The following MOB1B variants were observed in gnomAD, a reference collection of about 807,000 sequenced individuals.
The protein encoded by MOB1B is MOB1 Mps One Binder homolog B.
MOB1B carries 19 observed loss-of-function variants against 24.4 expected under a neutral mutation model. The ratio of observed to expected loss-of-function variants is 0.78; its 90% CI spans 0.54 to 1.14. The LOEUF (loss-of-function observed/expected upper bound fraction) is 1.14, where lower values mean the gene tolerates loss of function less well. Ranked by LOEUF, MOB1B falls within the 50% of genes most tolerant of loss-of-function variation. MOB1B has a pLI of 0.00. For synonymous variants in MOB1B, 76 were observed against 82.1 expected (o/e 0.93, Z 0.40); for missense variants, 243 against 259.6 (o/e 0.94, Z 0.44).
At chr4:70,944,287 G>A (rs984637158) in intron 1 of MOB1B, among the ~76,000 whole-genome samples, 2 of 152,164 alleles carry the variant, frequency 1.3e-5, no homozygotes, top group African/African-American at 4.8e-5. Context: ...CTCGCGCCTT[G>A]GCCTCCCAAA....
intron 1 of MOB1B, among the ~76,000 whole-genome samples, chr4:70,943,974 A>G (rs531257220): frequency 1.3e-5 from 2 of 152,366 alleles, no homozygotes; most frequent in South Asian, 2.1e-4. Flanking sequence ...ACAGATCACA[A>G]TTTTAATAAC....
chr4:70,941,237 C>T (rs1307820471), intron 1 of MOB1B, among the ~76,000 whole-genome samples: 1 of 151,160 alleles, frequency 6.6e-6, no homozygotes, highest in Non-Finnish European at 1.5e-5. Context: ...ATTTGAATTT[C>T]CAGGTGCCCC....
chr4:70,948,297 C>G lies in MOB1B; in HGVS notation c.15-10577C>G, dbSNP rs953492025. On this transcript the variant is annotated intron_variant, in intron 1 of 5. Coordinates refer to ENST00000309395, the MANE Select transcript of MOB1B (RefSeq NM_173468.4). ...AATGACAATTATATTTTTCTTTGTG[C>G]CTTAAAAAATGCTTAATTGAGACGT... is the stretch of plus-strand genomic sequence containing the variant. 2.0e-5 allele frequency among the ~76,000 whole-genome samples: 3 copies of G among 152,228 alleles called. No individual in the cohort carries two copies. In the South Asian group the frequency reaches 6.2e-4, roughly 32 times the overall value.
rs568938890 is a variant in MOB1B at position 70,920,370 on chromosome 4, G to C, written c.14+17820G>C. Among the ~76,000 whole-genome samples the C allele has an allele frequency of 9.2e-5, 14 of 152,116 alleles. No individual in the cohort carries two copies. The South Asian group carries it at 2.9e-3, about 32-fold the overall frequency. On this transcript the variant is annotated intron_variant, in intron 1 of 5. Transcript: ENST00000309395. ...CTCCCAAGTAACTGGGATTACAGGC[G>C]TGCCCCGCCATGCCTGGCTAATTTT...
At position 70,987,343 on chromosome 4, in the gene MOB1B, A is replaced by C. The variant is rs1045242909; in HGVS notation, c.*5286A>C. 6.6e-6 allele frequency: 1 copy of C among 152,012 alleles called. No homozygotes were observed. The highest frequency in any genetic ancestry group is 2.4e-5 in the African/African-American group (1 of 41,446). The allele number at this position is 152,012 out of a possible 1,614,324, so 9.4% of individuals were successfully genotyped here. A position where few individuals can be genotyped will look rare whatever the true frequency, so the allele number is the denominator to read the frequency against. ...TCATGTTCTCATCTGATTTAATATTAAATTTGTATAGGTGGGCGTTTCTTA... is the reference window on the plus strand; with the variant it reads ...TCATGTTCTCATCTGATTTAATATTCAATTTGTATAGGTGGGCGTTTCTTA... On this transcript the variant is annotated 3_prime_UTR_variant, in exon 6 of 6. Transcript: ENST00000309395.
intron 1 of MOB1B, among the ~76,000 whole-genome samples, chr4:70,906,323 G>A (rs1578338362): frequency 6.6e-6 from 1 of 152,156 alleles, no homozygotes; most frequent in East Asian, 1.9e-4. Context: ...GTTGCAGTGG[G>A]CCAAGATTGT....
intron 1 of MOB1B, among the ~76,000 whole-genome samples, chr4:70,933,157 G>C (rs1736947062): frequency 6.6e-6 from 1 of 152,072 alleles, no homozygotes; most frequent in African/African-American, 2.4e-5. Context: ...GAGAGAGAGA[G>C]AACAAAGGGG....
rs1002716776 is a variant in MOB1B, at chr4:70,984,684, C to T, written c.*2627C>T. ...TGCTTTTTTTGGTTAAATGTTGATA[C>T]GAAGCAATGTTTTGGAATTACTTTA... is the stretch of plus-strand genomic sequence containing the variant. On this transcript the variant is annotated 3_prime_UTR_variant, in exon 6 of 6. Transcript: ENST00000309395. The T allele has an allele frequency of 1.5e-4, 23 of 151,872 alleles. No individual in the cohort carries two copies. The highest frequency in any genetic ancestry group is 1.4e-3 in the Admixed American group (22 of 15,250). The allele number at this position is 151,872 out of a possible 1,614,324, so 9.4% of individuals were successfully genotyped here.
intron 1 of MOB1B, among the ~76,000 whole-genome samples, chr4:70,946,360 C>A (rs1037188201): frequency 9.2e-5 from 14 of 152,072 alleles, no homozygotes; most frequent in Non-Finnish European, 1.3e-4. Flanking sequence ...ATTACGCATT[C>A]CGTTATGTTT....
Position 70,902,472 on chromosome 4 carries a change from T to C in MOB1B, c.-65T>C. ...CCTGTTCCATTCGCCTTTCCTCTTC[T>C]TTCCTGGCCCACGCCGCTCCGAGGC... On this transcript the variant is annotated 5_prime_UTR_variant, in exon 1 of 6. Coordinates refer to ENST00000309395, the MANE Select transcript of MOB1B (RefSeq NM_173468.4). The C allele has an allele frequency of 2.0e-6, 3 of 1,537,820 alleles. No individual in the cohort carries two copies. The highest frequency in any genetic ancestry group is 2.4e-5 in the East Asian group (1 of 41,036).
chr4:70,933,443 G>A (rs528391336), intron 1 of MOB1B, among the ~76,000 whole-genome samples: 20 of 151,720 alleles, frequency 1.3e-4, no homozygotes, highest in African/African-American at 4.6e-4. Flanking sequence ...TTTTAATTAG[G>A]CTTTCAAACT....
At chr4:70,940,388 A>C (rs1172279406) in intron 1 of MOB1B, among the ~76,000 whole-genome samples, 1 of 151,988 alleles carries the variant, frequency 6.6e-6, no homozygotes, top group African/African-American at 2.4e-5. Flanking sequence ...GCACCACTGC[A>C]CTCTAGCCTG....
intron 1 of MOB1B, among the ~76,000 whole-genome samples, chr4:70,936,296 A>G (rs898699723): frequency 6.6e-6 from 1 of 152,132 alleles, no homozygotes; most frequent in Admixed American, 6.6e-5. Flanking sequence ...AGCCACCAGT[A>G]TACTCTTTTG....
chr4:70,964,930 CAA>C (rs899053515), intron 2 of MOB1B, among the ~76,000 whole-genome samples: 5 of 84,508 alleles, frequency 5.9e-5, no homozygotes, highest in Non-Finnish European at 7.4e-5. Flanking sequence ...AACTCCGTCT[CAA>C]AAAAAAAAAA....
chr4:70,930,652 G>A lies in MOB1B; in HGVS notation c.14+28102G>A, dbSNP rs1736852270. Among the ~76,000 whole-genome samples the A allele has an allele frequency of 1.3e-5, 2 of 152,276 alleles. 1 individual carries two copies. Among genetic ancestry groups the A allele is most frequent in the African/African-American group, 4.8e-5 (2 of 41,550 alleles). On this transcript the variant is annotated intron_variant, in intron 1 of 5. Coordinates refer to ENST00000309395, the MANE Select transcript of MOB1B (RefSeq NM_173468.4). ...AAATACTGTGCATGATTGTATGTGTGAAACCCTGGTAGCTTAATGAATTTT... is the reference window on the plus strand; with the variant it reads ...AAATACTGTGCATGATTGTATGTGTAAAACCCTGGTAGCTTAATGAATTTT...
chr4:70,905,841 G>A (rs915136282), intron 1 of MOB1B, among the ~76,000 whole-genome samples: 1 of 151,904 alleles, frequency 6.6e-6, no homozygotes, highest in Admixed American at 6.6e-5. Flanking sequence ...GAGGTGAGTG[G>A]ATCACTTGAC....
rs1427246686 is a variant in MOB1B at position 70,983,402 on chromosome 4, T to C, written c.*1345T>C. ...GTAGTTATTAACTTCTAAATTTTAT[T>C]CGCCATGACTTTCTAGTGAATTATT... On this transcript the variant is annotated 3_prime_UTR_variant, in exon 6 of 6. Coordinates refer to ENST00000309395, the MANE Select transcript of MOB1B (RefSeq NM_173468.4). The C allele has an allele frequency of 3.9e-5, 6 of 152,562 alleles. No homozygotes were observed. The highest frequency in any genetic ancestry group is 8.8e-5 in the Non-Finnish European group (6 of 68,006). The allele number at this position is 152,562 out of a possible 1,614,324, so 9.5% of individuals were successfully genotyped here. A position where few individuals can be genotyped will look rare whatever the true frequency, so the allele number is the denominator to read the frequency against.
intron 4 of MOB1B, 121 bp from the exon 5 acceptor site, chr4:70,979,007 A>G (rs1739102750): frequency 7.6e-6 from 6 of 787,690 alleles, no homozygotes. Flanking sequence ...TATATGTATA[A>G]ATTCATAAAT....
chr4:70,975,870 C>A, intron 4 of MOB1B: 1 of 850,628 alleles, frequency 1.2e-6, no homozygotes, highest in Non-Finnish European at 1.4e-6. Flanking sequence ...TAAGGTAAAC[C>A]CTCTATTTTA....
Sources: allele counts gnomAD v4.1 joint callset (sites outside exome capture counted in the v4.1 genomes callset), GRCh38; gene constraint gnomAD v4.1.1; transcripts MANE v1.5; gene names NCBI Gene and HGNC (gene_info 2026-07-23, HGNC 2026-07-21).